The following WDR19 variants were observed in gnomAD, a reference collection of about 807,000 sequenced individuals.
The protein encoded by WDR19 is WD repeat-containing protein 19.
In WDR19, 121 loss-of-function variants were observed where a neutral mutation model predicts 180.0. The observed-to-expected ratio is 0.67, with a 90% CI of 0.58 to 0.78. The LOEUF (loss-of-function observed/expected upper bound fraction) is 0.78. Ranked by LOEUF, WDR19 falls within the 30% of genes least tolerant of loss-of-function variation. The pLI, the probability that WDR19 is intolerant of heterozygous loss-of-function variation, is 0.00. For synonymous variants in WDR19, 497 were observed against 540.7 expected, an observed-to-expected ratio of 0.92 and a Z score of 1.12; for missense variants, 1,450 against 1,640.7, an observed-to-expected ratio of 0.88 and a Z score of 2.01.
Position 39,278,482 on chromosome 4 carries a change from CA to C in WDR19, c.3918-54del, listed in dbSNP as rs34321636. ...TGTTGTCTTTCTCATTAGAGTAACC[CA>C]AAGCTAAAGGAATGTTATATATTTA... On this transcript the variant is annotated intron_variant, in intron 35 of 36. Coordinates refer to ENST00000399820, the MANE Select transcript of WDR19 (RefSeq NM_025132.4). 14 of 1,411,068 alleles carry C rather than the reference CA, an allele frequency of 9.9e-6. No homozygotes were observed. In the African/African-American group the frequency reaches 1.9e-4, roughly 19 times the overall value. 87.4% of individuals were successfully genotyped at this position (1,411,068 alleles called of 1,614,324 possible).
chr4:39,193,869 A>G (rs553800506), intron 4 of WDR19, among the ~76,000 whole-genome samples: 82 of 152,324 alleles, frequency 5.4e-4, no homozygotes, highest in Admixed American at 1.6e-3. Flanking sequence ...ATTTCTCACA[A>G]GTTCCCAGAT....
At chr4:39,224,146 T>C (rs1192013798) in intron 14 of WDR19, among the ~76,000 whole-genome samples, 1 of 152,202 alleles carries the variant, frequency 6.6e-6, no homozygotes, top group African/African-American at 2.4e-5. Context: ...TGTTCATTGC[T>C]AATATACATT....
chr4:39,231,348 A>T (rs1730841595), intron 17 of WDR19, among the ~76,000 whole-genome samples: 1 of 150,798 alleles, frequency 6.6e-6, no homozygotes, highest in Admixed American at 6.6e-5. Flanking sequence ...GAGTGGGCTG[A>T]TCAGTGACTT....
intron 9 of WDR19, among the ~76,000 whole-genome samples, chr4:39,210,405 T>A (rs1252821093): frequency 6.6e-6 from 1 of 152,222 alleles, no homozygotes; most frequent in African/African-American, 2.4e-5. Context: ...CTATGTCAGG[T>A]GCAGTGGCAC....
intron 6 of WDR19, among the ~76,000 whole-genome samples, chr4:39,200,614 A>G (rs1276691332): frequency 6.6e-6 from 1 of 152,218 alleles, no homozygotes; most frequent in African/African-American, 2.4e-5. Flanking sequence ...GTGCCTCACA[A>G]CACAGCAGCT....
intron 14 of WDR19, 135 bp downstream of exon 14, chr4:39,218,240 T>C: frequency 1.3e-5 from 15 of 1,116,368 alleles, no homozygotes; most frequent in Non-Finnish European, 1.8e-5. Flanking sequence ...CTGTGATTAA[T>C]TATATACATT....
Position 39,231,880 on chromosome 4 carries a change from T to C in WDR19, c.2066T>C (p.Met689Thr), listed in dbSNP as rs780879248. 101 of 1,613,396 alleles carry C rather than the reference T, an allele frequency of 6.3e-5. No individual in the cohort carries two copies. The highest frequency in any genetic ancestry group is 7.8e-5 in the Non-Finnish European group (92 of 1,179,482). ...NELARACLHHMEVEFAIRVYR... is the reference protein window; with the variant it reads ...NELARACLHHTEVEFAIRVYR... The stretch of plus-strand genomic sequence containing the variant: ...TTGGCCAGAGCTTGTCTACATCACA[T>C]GGAAGTGGAGTTTGCAATCCGTGTT... The change falls in exon 18 of 37, where the codon ATG becomes ACG. Residue 689 changes from methionine to threonine, a missense_variant. Physicochemically the swap from Met to Thr is moderately conservative, Grantham distance 81. Coordinates refer to ENST00000399820, the MANE Select transcript of WDR19 (RefSeq NM_025132.4).
At chr4:39,233,898 T>C (rs972548989) in intron 19 of WDR19, among the ~76,000 whole-genome samples, 11 of 152,262 alleles carry the variant, frequency 7.2e-5, no homozygotes, top group African/African-American at 2.4e-4. Context: ...AGGTAATGGA[T>C]TGATAATGGA....
intron 14 of WDR19, among the ~76,000 whole-genome samples, chr4:39,222,025 C>G (rs1006488457): frequency 6.6e-6 from 1 of 152,088 alleles, no homozygotes; most frequent in African/African-American, 2.4e-5. Context: ...TCGGTTGTAC[C>G]ATTTTACATT....
intron 9 of WDR19, among the ~76,000 whole-genome samples, chr4:39,210,232 G>A (rs1577885038): frequency 2.0e-5 from 3 of 152,116 alleles, no homozygotes; most frequent in Non-Finnish European, 4.4e-5. Context: ...AAAAGAAAAA[G>A]TACAGGTCAA....
At chr4:39,226,020 T>G in intron 15 of WDR19, among the ~76,000 whole-genome samples, 1 of 152,210 alleles carries the variant, frequency 6.6e-6, no homozygotes, top group South Asian at 2.1e-4. Flanking sequence ...ACCTCGAGTT[T>G]CCTCTACTTA....
intron 24 of WDR19, among the ~76,000 whole-genome samples, chr4:39,250,456 A>G (rs1232359785): frequency 5.3e-5 from 8 of 152,162 alleles, no homozygotes; most frequent in African/African-American, 1.7e-4. Context: ...AAAGACAGGG[A>G]TGCCCTCTCT....
intron 9 of WDR19, among the ~76,000 whole-genome samples, chr4:39,209,102 C>T (rs1728240900): frequency 6.6e-6 from 1 of 152,076 alleles, no homozygotes. Flanking sequence ...CAATAGACTA[C>T]CCTGGCTCAT....
chr4:39,270,413 T>TGG (rs752837001), intron 31 of WDR19, among the ~76,000 whole-genome samples: 18 of 152,152 alleles, frequency 1.2e-4, no homozygotes, highest in Admixed American at 2.0e-4. Context: ...GTCTTGCTCT[T>TGG]TACCCAGGCT....
intron 31 of WDR19, among the ~76,000 whole-genome samples, chr4:39,271,296 G>GT (rs1735350738): frequency 6.6e-6 from 1 of 152,178 alleles, no homozygotes; most frequent in Admixed American, 6.5e-5. Context: ...ATAAATGCAT[G>GT]TTTTTTACCA....
At chr4:39,185,673 TCAA>T in intron 1 of WDR19, 50 bp from the exon 2 acceptor site, 1 of 1,504,386 alleles carries the variant, frequency 6.6e-7, no homozygotes, top group Non-Finnish European at 9.0e-7. Context: ...CCTTTTCTGA[TCAA>T]CACTTGATTG....
chr4:39,189,866 C>T, intron 4 of WDR19, 85 bp downstream of exon 4: 2 of 1,375,514 alleles, frequency 1.5e-6, no homozygotes, highest in East Asian at 2.5e-5. Context: ...TTACTACTTT[C>T]ATTTTAAAGA....
intron 21 of WDR19, among the ~76,000 whole-genome samples, chr4:39,240,543 G>C (rs1731824870): frequency 6.6e-6 from 1 of 152,046 alleles, no homozygotes. Flanking sequence ...ATTTTTATCA[G>C]TCTGATAAGT....
chr4:39,205,668 TAAAGATAATCTAA>T lies in WDR19; in HGVS notation c.823_835del (p.Lys275ProfsTer28). On this transcript the variant is annotated frameshift_variant, in exon 9 of 37. Coordinates refer to ENST00000399820, the MANE Select transcript of WDR19 (RefSeq NM_025132.4). LOFTEE classifies it high-confidence loss of function. ...AAGAGATATTTCAGGCTCGTAACCATAAAGATAATCTAACCAGCATTGCAGTATCACAGACTCT... is the reference window on the plus strand; with the variant it reads ...AAGAGATATTTCAGGCTCGTAACCATCCAGCATTGCAGTATCACAGACTCT... The T allele has an allele frequency of 6.2e-7, 1 of 1,612,030 alleles. No homozygotes were observed. The highest frequency in any genetic ancestry group is 8.5e-7 in the Non-Finnish European group (1 of 1,178,938).
Sources: gnomAD v4.1 joint callset for allele counts (sites outside exome capture counted in the v4.1 genomes callset) on GRCh38, gnomAD v4.1.1 for gene constraint, MANE v1.5 for transcripts, NCBI Gene and HGNC (gene_info 2026-07-23, HGNC 2026-07-21) for gene names.